The following ADK variants were observed in gnomAD, a reference collection of about 807,000 sequenced individuals.
The protein encoded by ADK is N6,N6-dimethyladenosine kinase.
ADK carries 24 observed loss-of-function variants against 44.7 expected under a neutral mutation model. The observed-to-expected ratio is 0.54, with a 90% CI of 0.39 to 0.76. The LOEUF is 0.76. Among genes scored for constraint, ADK ranks in the 30% least tolerant of loss-of-function variants. ADK has a pLI of 0.00. For synonymous variants in ADK, 128 were observed against 142.6 expected (o/e 0.90, Z 0.73); for missense variants, 321 against 425.1 (o/e 0.76, Z 2.15).
At chr10:74,570,695 C>A (rs1318212463) in intron 7 of ADK, among the ~76,000 whole-genome samples, 1 of 152,162 alleles carries the variant, frequency 6.6e-6, no homozygotes, top group Non-Finnish European at 1.5e-5. Flanking sequence ...TGGGCTGAGA[C>A]GATGGGGTTT....
intron 10 of ADK, among the ~76,000 whole-genome samples, chr10:74,671,301 G>T (rs1482031506): frequency 6.6e-6 from 1 of 151,006 alleles, no homozygotes; most frequent in African/African-American, 2.4e-5. Flanking sequence ...GGGTTCAAAT[G>T]ATTCTCCTGC....
intron 1 of ADK, among the ~76,000 whole-genome samples, chr10:74,162,950 C>T (rs1841946064): frequency 6.6e-6 from 1 of 151,954 alleles, no homozygotes; most frequent in African/African-American, 2.4e-5. Flanking sequence ...ATACACTTCT[C>T]CTACGTGAAC....
intron 10 of ADK, among the ~76,000 whole-genome samples, chr10:74,693,189 G>A (rs969613461): frequency 2.0e-5 from 3 of 152,152 alleles, no homozygotes; most frequent in Non-Finnish European, 4.4e-5. Context: ...CTCATCGATT[G>A]TAACAAATAC....
At chr10:74,627,536 T>A (rs897519845) in intron 9 of ADK, among the ~76,000 whole-genome samples, 1 of 151,452 alleles carries the variant, frequency 6.6e-6, no homozygotes, top group Non-Finnish European at 1.5e-5. Context: ...AATTTAACAT[T>A]GCTCTACAGA....
At chr10:74,476,316 A>G (rs1178133622) in intron 6 of ADK, among the ~76,000 whole-genome samples, 2 of 152,034 alleles carry the variant, frequency 1.3e-5, no homozygotes, top group African/African-American at 4.8e-5. Flanking sequence ...CAACATGGAG[A>G]AACTGCGTCT....
chr10:74,356,723 T>C (rs1235194233), intron 4 of ADK, among the ~76,000 whole-genome samples: 2 of 152,234 alleles, frequency 1.3e-5, no homozygotes, highest in African/African-American at 4.8e-5. Flanking sequence ...TGCTTCAGTA[T>C]AACTTCTATG....
chr10:74,206,261 C>T (rs185796638), intron 2 of ADK, among the ~76,000 whole-genome samples: 1 of 152,188 alleles, frequency 6.6e-6, no homozygotes, highest in Non-Finnish European at 1.5e-5. Context: ...GATATACACA[C>T]AGACCAGGTG....
intron 6 of ADK, among the ~76,000 whole-genome samples, chr10:74,488,938 A>C (rs1847371786): frequency 6.6e-6 from 1 of 151,914 alleles, no homozygotes. Flanking sequence ...TTCTCCTCAA[A>C]TATTCAACAG....
chr10:74,256,366 A>T (rs1234202668), intron 3 of ADK, among the ~76,000 whole-genome samples: 1 of 152,156 alleles, frequency 6.6e-6, no homozygotes, highest in Non-Finnish European at 1.5e-5. Context: ...GCAAGAACTG[A>T]TTGTTATGAT....
intron 4 of ADK, among the ~76,000 whole-genome samples, chr10:74,383,473 C>T (rs1317484745): frequency 6.6e-6 from 1 of 151,908 alleles, no homozygotes; most frequent in Non-Finnish European, 1.5e-5. Flanking sequence ...ATTAGCTATC[C>T]CACGTAAGCC....
intron 9 of ADK, among the ~76,000 whole-genome samples, chr10:74,668,650 T>C (rs4745751): frequency 0.018 from 2,677 of 152,258 alleles, 72 homozygotes; most frequent in African/African-American, 0.061. Context: ...GCAGGAGAAT[T>C]ACTTGAACCA....
intron 1 of ADK, chr10:74,176,763 A>G (rs996690772): frequency 8.3e-6 from 13 of 1,562,408 alleles, no homozygotes; most frequent in Non-Finnish European, 1.0e-5. Flanking sequence ...ACGCGCTCCC[A>G]GTCGCTGAGT....
intron 7 of ADK, among the ~76,000 whole-genome samples, chr10:74,544,645 G>A (rs1589234393): frequency 6.6e-6 from 1 of 152,086 alleles, no homozygotes; most frequent in East Asian, 1.9e-4. Flanking sequence ...GGGGGGCTGA[G>A]GCGGGCAGAT....
chr10:74,665,773 G>GAGAGAGAGAC (rs780519307), intron 9 of ADK, among the ~76,000 whole-genome samples: 2 of 133,458 alleles, frequency 1.5e-5, no homozygotes, highest in Admixed American at 7.6e-5. Flanking sequence ...GAGAGAGAGA[G>GAGAGAGAGAC]AGAGAGAGAC....
At chr10:74,647,135 C>T (rs1313017523) in intron 9 of ADK, among the ~76,000 whole-genome samples, 3 of 151,044 alleles carry the variant, frequency 2.0e-5, no homozygotes, top group African/African-American at 7.3e-5. Context: ...AGAATGTTTT[C>T]TCTCACTAAT....
chr10:74,373,751 C>T (rs925455663), intron 4 of ADK, among the ~76,000 whole-genome samples: 1 of 152,044 alleles, frequency 6.6e-6, no homozygotes, highest in African/African-American at 2.4e-5. Context: ...TCTTGCAATT[C>T]CTTAAATATT....
chr10:74,473,869 C>T (rs1220642663), intron 6 of ADK, among the ~76,000 whole-genome samples: 1 of 151,918 alleles, frequency 6.6e-6, no homozygotes, highest in African/African-American at 2.4e-5. Flanking sequence ...GTTTAGAAAC[C>T]TCATAGAGGA....
chr10:74,419,933 A>C (rs966716140), intron 6 of ADK, among the ~76,000 whole-genome samples: 12 of 152,164 alleles, frequency 7.9e-5, no homozygotes, highest in African/African-American at 2.9e-4. Context: ...GTTTCATTTA[A>C]ATCTACTTCT....
chr10:74,197,356 C>T (rs1843194259), intron 1 of ADK, among the ~76,000 whole-genome samples: 1 of 151,878 alleles, frequency 6.6e-6, no homozygotes, highest in Non-Finnish European at 1.5e-5. Flanking sequence ...ACATTTAGGC[C>T]CAGAGATGGT....
Sources: allele counts gnomAD v4.1 joint callset (sites outside exome capture counted in the v4.1 genomes callset), GRCh38; gene constraint gnomAD v4.1.1; transcripts MANE v1.5; gene names NCBI Gene and HGNC (gene_info 2026-07-23, HGNC 2026-07-21).